Variants in ZBTB44 observed in about 807,000 individuals in gnomAD.
ZBTB44 encodes the protein zinc finger and BTB domain containing 44.
A neutral mutation model predicts 54.0 loss-of-function variants in ZBTB44; 15 were observed. The observed-to-expected ratio is 0.28, with a 90% CI of 0.19 to 0.43. The LOEUF (loss-of-function observed/expected upper bound fraction) is 0.43, where lower values mean the gene tolerates loss of function less well. Among genes scored for constraint, ZBTB44 ranks in the 20% least tolerant of loss-of-function variants. The pLI is 1.00. For synonymous variants in ZBTB44, 230 were observed against 250.1 expected (o/e 0.92, Z 0.76); for missense variants, 487 against 707.1 (o/e 0.69, Z 3.53).
intron 1 of ZBTB44, among the ~76,000 whole-genome samples, chr11:130,291,135 G>GT (rs1480781756): frequency 1.1e-4 from 17 of 151,106 alleles, no homozygotes; most frequent in African/African-American, 3.4e-4. Context: ...GAAAGCCTTT[G>GT]TTGTTTTTTT....
At chr11:130,235,720 C>G (rs1270868095) in intron 5 of ZBTB44, among the ~76,000 whole-genome samples, 1 of 151,810 alleles carries the variant, frequency 6.6e-6, no homozygotes, top group Non-Finnish European at 1.5e-5. Flanking sequence ...AAGATTTGGG[C>G]TGGGCATGGT....
chr11:130,266,116 C>A (rs577517557), intron 1 of ZBTB44, among the ~76,000 whole-genome samples: 61 of 152,318 alleles, frequency 4.0e-4, no homozygotes, highest in African/African-American at 1.5e-3. Flanking sequence ...GCGGCTAATG[C>A]AGCTGGTGAC....
intron 1 of ZBTB44, among the ~76,000 whole-genome samples, chr11:130,280,771 T>C (rs1281674169): frequency 2.6e-5 from 4 of 152,256 alleles, no homozygotes; most frequent in Non-Finnish European, 5.9e-5. Flanking sequence ...CTTTTTGTAT[T>C]TTTAAAAAAT....
chr11:130,244,229 T>G (rs1310421373), intron 2 of ZBTB44, among the ~76,000 whole-genome samples: 2 of 152,160 alleles, frequency 1.3e-5, no homozygotes, highest in Non-Finnish European at 2.9e-5. Context: ...GACAGTAGAC[T>G]CAAACAACCT....
intron 1 of ZBTB44, among the ~76,000 whole-genome samples, chr11:130,278,057 T>C (rs2134246684): frequency 6.6e-6 from 1 of 152,298 alleles, no homozygotes; most frequent in African/African-American, 2.4e-5. Flanking sequence ...TTAGCGTTTT[T>C]ACTGTATGTT....
At chr11:130,305,309 A>C (rs575924078) in intron 1 of ZBTB44, among the ~76,000 whole-genome samples, 1 of 152,342 alleles carries the variant, frequency 6.6e-6, no homozygotes, top group South Asian at 2.1e-4. Context: ...AGCAAGACTA[A>C]GCAAAAATAA....
At position 130,293,471 on chromosome 11, in the gene ZBTB44, C is replaced by CAAA. The variant is rs1197563571; in HGVS notation, c.-57+20901_-57+20903dup. Among the ~76,000 whole-genome samples the CAAA allele has an allele frequency of 7.1e-4, 56 of 78,626 alleles. 1 individual carries two copies. The highest frequency in any genetic ancestry group is 2.6e-3 in the African/African-American group (56 of 21,880). 51.6% of individuals were successfully genotyped at this position (78,626 alleles called of 152,430 possible). A position where few individuals can be genotyped will look rare whatever the true frequency, so the allele number is the denominator to read the frequency against. ...CCGGGATGACAGCAAGATCTTGTAT[C>CAAA]AAAAAAAAAAAAAAAAAAGACCATT... On this transcript the variant is annotated intron_variant, in intron 1 of 7. Transcript: ENST00000357899.
intron 1 of ZBTB44, among the ~76,000 whole-genome samples, chr11:130,309,247 C>T (rs1157449079): frequency 1.3e-5 from 2 of 152,218 alleles, no homozygotes. Flanking sequence ...TAAATCTGCC[C>T]TTCTTTACCT....
At chr11:130,273,259 T>C (rs1340945504) in intron 1 of ZBTB44, among the ~76,000 whole-genome samples, 1 of 152,068 alleles carries the variant, frequency 6.6e-6, no homozygotes, top group African/African-American at 2.4e-5. Flanking sequence ...AGTTTTTCTT[T>C]GTTAAATTTA....
intron 1 of ZBTB44, among the ~76,000 whole-genome samples, chr11:130,269,730 ATT>A (rs1232442908): frequency 6.6e-5 from 10 of 152,172 alleles, no homozygotes; most frequent in Admixed American, 5.2e-4. Flanking sequence ...TCACTTCCCC[ATT>A]TACCAGCCAG....
intron 2 of ZBTB44, among the ~76,000 whole-genome samples, chr11:130,257,829 A>G (rs1938564214): frequency 6.6e-6 from 1 of 152,180 alleles, no homozygotes; most frequent in Admixed American, 6.5e-5. Context: ...AAACCTGAAT[A>G]TAGGTATTCC....
chr11:130,266,708 A>G (rs574712531), intron 1 of ZBTB44, among the ~76,000 whole-genome samples: 13 of 152,224 alleles, frequency 8.5e-5, no homozygotes, highest in Non-Finnish European at 1.6e-4. Flanking sequence ...GTAACTACAG[A>G]TGAGTTGGAA....
rs1181970370 is a variant in ZBTB44, at chr11:130,251,361, G to A, written c.1018+9495C>T. On this transcript the variant is annotated intron_variant, in intron 2 of 7. Coordinates refer to ENST00000357899, the MANE Select transcript of ZBTB44 (RefSeq NM_001301098.2). ...TGACAGGGAGAAATGAACCAAGCTG[G>A]AAAACACACTTCAGAATATTATCCA... 3.9e-5 allele frequency among the ~76,000 whole-genome samples: 6 copies of A among 152,160 alleles called. No homozygotes were observed. In the East Asian group the frequency reaches 1.2e-3, roughly 29 times the overall value.
chr11:130,298,420 C>T (rs1941789046), intron 1 of ZBTB44, among the ~76,000 whole-genome samples: 1 of 150,268 alleles, frequency 6.7e-6, no homozygotes, highest in African/African-American at 2.4e-5. Flanking sequence ...GCTGAGATTA[C>T]AGGTGTGAGC....
chr11:130,252,780 A>G (rs1346288039), intron 2 of ZBTB44, among the ~76,000 whole-genome samples: 10 of 152,228 alleles, frequency 6.6e-5, no homozygotes, highest in Non-Finnish European at 1.3e-4. Context: ...TTTTAGACCA[A>G]TATCACTGAT....
At chr11:130,274,732 T>A (rs571863386) in intron 1 of ZBTB44, among the ~76,000 whole-genome samples, 3 of 152,176 alleles carry the variant, frequency 2.0e-5, no homozygotes, top group South Asian at 2.1e-4. Flanking sequence ...GTTTGTTTTT[T>A]AAAAAAATAT....
chr11:130,313,719 CA>C (rs895687117), intron 1 of ZBTB44, among the ~76,000 whole-genome samples: 1 of 151,572 alleles, frequency 6.6e-6, no homozygotes, highest in Non-Finnish European at 1.5e-5. Flanking sequence ...TTGTAAGTTC[CA>C]AAAAAAAGCA....
At chr11:130,298,832 G>GACACAC (rs71061379) in intron 1 of ZBTB44, among the ~76,000 whole-genome samples, 55 of 149,672 alleles carry the variant, frequency 3.7e-4, no homozygotes, top group African/African-American at 1.2e-3. Flanking sequence ...CAGACACCCA[G>GACACAC]ACACACACAC....
At chr11:130,262,062 G>A in intron 1 of ZBTB44, 133 bp from the exon 2 acceptor site, 1 of 648,496 alleles carries the variant, frequency 1.5e-6, no homozygotes. Flanking sequence ...TTCAAGGTAG[G>A]GACTGTATAG....
Sources: allele counts gnomAD v4.1 joint callset (sites outside exome capture counted in the v4.1 genomes callset), GRCh38; gene constraint gnomAD v4.1.1; transcripts MANE v1.5; gene names NCBI Gene and HGNC (gene_info 2026-07-23, HGNC 2026-07-21).